Variants in TSPAN18 observed in about 807,000 individuals in gnomAD.
TSPAN18 encodes tetraspanin 18, also known as tetraspanin-18.
Under a neutral mutation model 27.3 loss-of-function variants are expected in TSPAN18, and 14 were observed. That is an observed-to-expected ratio of 0.51 (90% confidence interval 0.34 to 0.80). TSPAN18 has a LOEUF of 0.80. Ranked by LOEUF, TSPAN18 falls within the 30% of genes least tolerant of loss-of-function variation. TSPAN18 has a pLI of 0.01. For missense variants in TSPAN18, 268 were observed against 323.9 expected (o/e 0.83, Z 1.32); for synonymous variants, 143 against 136.5 (o/e 1.05, Z -0.33).
chr11:44,880,410 G>A (rs1401230827), intron 3 of TSPAN18, among the ~76,000 whole-genome samples: 2 of 152,198 alleles, frequency 1.3e-5, no homozygotes, highest in African/African-American at 4.8e-5. Flanking sequence ...TCACCTCCCT[G>A]GGACTCCCTC....
intron 1 of TSPAN18, among the ~76,000 whole-genome samples, chr11:44,761,304 G>A (rs1299135695): frequency 6.6e-6 from 1 of 152,148 alleles, no homozygotes; most frequent in Non-Finnish European, 1.5e-5. Context: ...ACCCGTTCCT[G>A]CTCTTAGCCC....
chr11:44,914,575 T>C (rs944988029), intron 5 of TSPAN18, among the ~76,000 whole-genome samples: 1 of 152,124 alleles, frequency 6.6e-6, no homozygotes, highest in Non-Finnish European at 1.5e-5. Context: ...GTAGAAACCA[T>C]AAGACCTCGG....
At position 44,931,141 on chromosome 11, in the gene TSPAN18, G is replaced by T. The variant is rs151207970; in HGVS notation, c.*1963G>T. ...GTGTTACCAAATTCGCCCTTTAACAGCTTGCTCTGGCAACCCCATAAATGA... is the reference window on the plus strand; with the variant it reads ...GTGTTACCAAATTCGCCCTTTAACATCTTGCTCTGGCAACCCCATAAATGA... On this transcript the variant is annotated 3_prime_UTR_variant, in exon 10 of 10. Transcript: ENST00000520358. 2,900 of 353,604 alleles carry T rather than the reference G, an allele frequency of 8.2e-3. 84 individuals are homozygous for T. The highest frequency in any genetic ancestry group is 0.058 in the African/African-American group (2,722 of 46,814). 21.9% of individuals were successfully genotyped at this position (353,604 alleles called of 1,614,324 possible).
At chr11:44,765,273 C>T (rs1404748549) in intron 2 of TSPAN18, among the ~76,000 whole-genome samples, 2 of 152,114 alleles carry the variant, frequency 1.3e-5, no homozygotes, top group African/African-American at 4.8e-5. Flanking sequence ...ATTCCAAGAC[C>T]AGGGCTGAAA....
chr11:44,754,154 G>A (rs940871350), intron 1 of TSPAN18, among the ~76,000 whole-genome samples: 3 of 152,164 alleles, frequency 2.0e-5, no homozygotes, highest in African/African-American at 7.2e-5. Flanking sequence ...GCCTCCTGCG[G>A]ACCTTTTCTG....
chr11:44,923,569 C>T (rs1181761283), intron 8 of TSPAN18, among the ~76,000 whole-genome samples: 1 of 152,134 alleles, frequency 6.6e-6, no homozygotes, highest in Non-Finnish European at 1.5e-5. Context: ...TCATGCCAGC[C>T]CCCTTTCCCT....
intron 2 of TSPAN18, among the ~76,000 whole-genome samples, chr11:44,807,331 C>T (rs1260813034): frequency 6.7e-6 from 1 of 149,786 alleles, no homozygotes; most frequent in East Asian, 2.0e-4. Flanking sequence ...GAGTTCGAGG[C>T]CAGCCTGACT....
chr11:44,822,542 G>A (rs552253215), intron 2 of TSPAN18, among the ~76,000 whole-genome samples: 12 of 151,056 alleles, frequency 7.9e-5, no homozygotes, highest in Admixed American at 3.3e-4. Flanking sequence ...TGACTTGGGC[G>A]TCACTTCCAC....
chr11:44,884,601 A>G (rs1407403543), intron 3 of TSPAN18, among the ~76,000 whole-genome samples: 3 of 152,146 alleles, frequency 2.0e-5, no homozygotes, highest in African/African-American at 7.2e-5. Flanking sequence ...TCACGGCCAG[A>G]GCTCTCCCTG....
At chr11:44,813,631 A>C (rs1856764978) in intron 2 of TSPAN18, among the ~76,000 whole-genome samples, 1 of 152,204 alleles carries the variant, frequency 6.6e-6, no homozygotes, top group African/African-American at 2.4e-5. Flanking sequence ...CTTGAGTAAG[A>C]CACTTGGTCT....
rs1309370051 is a variant in TSPAN18, at chr11:44,910,965, C to T, written c.258+1066C>T. On this transcript the variant is annotated intron_variant, in intron 5 of 9. Coordinates refer to ENST00000520358, the MANE Select transcript of TSPAN18 (RefSeq NM_130783.5). ...GGGGCCGACCAGCTCAGCTATAGATCACAGCCAAACCAGACAAGCAGTGGG... is the reference window on the plus strand; with the variant it reads ...GGGGCCGACCAGCTCAGCTATAGATTACAGCCAAACCAGACAAGCAGTGGG... Among the ~76,000 whole-genome samples the T allele has an allele frequency of 2.6e-5, 4 of 152,234 alleles. 1 individual carries two copies. Among genetic ancestry groups the T allele is most frequent in the Non-Finnish European group, 5.9e-5 (4 of 68,038 alleles).
chr11:44,925,223 C>T (rs1006428744), intron 8 of TSPAN18, among the ~76,000 whole-genome samples: 3 of 152,208 alleles, frequency 2.0e-5, no homozygotes, highest in Admixed American at 1.3e-4. Flanking sequence ...CCTTGGGTAT[C>T]GTCCTATAAT....
At chr11:44,755,525 C>T (rs1176172504) in intron 1 of TSPAN18, among the ~76,000 whole-genome samples, 1 of 152,078 alleles carries the variant, frequency 6.6e-6, no homozygotes, top group Non-Finnish European at 1.5e-5. Context: ...AAGGGCTGCC[C>T]TGGGGTTTGC....
intron 2 of TSPAN18, among the ~76,000 whole-genome samples, chr11:44,850,228 A>G (rs835797): frequency 0.54 from 81,655 of 152,090 alleles, 23,279 homozygotes; most frequent in Non-Finnish European, 0.63. Flanking sequence ...TGTTATTCCT[A>G]CATATCGAGT....
chr11:44,897,796 G>A (rs1565197404), intron 3 of TSPAN18: 1 of 1,289,388 alleles, frequency 7.8e-7, no homozygotes, highest in East Asian at 5.5e-5. Context: ...TGACGGGAGA[G>A]TCTGTCCTGC....
At chr11:44,759,897 C>G (rs1470797911) in intron 1 of TSPAN18, among the ~76,000 whole-genome samples, 6 of 152,056 alleles carry the variant, frequency 3.9e-5, no homozygotes, top group Non-Finnish European at 2.9e-5. Context: ...ATGACTTATG[C>G]CTGTTGAGAG....
chr11:44,797,323 C>T (rs1305992630), intron 2 of TSPAN18, among the ~76,000 whole-genome samples: 3 of 152,178 alleles, frequency 2.0e-5, no homozygotes, highest in Non-Finnish European at 4.4e-5. Flanking sequence ...TTTGAGCCCC[C>T]ACTGTAGCCT....
At chr11:44,910,992 C>A (rs142934921) in intron 5 of TSPAN18, among the ~76,000 whole-genome samples, 1 of 152,364 alleles carries the variant, frequency 6.6e-6, no homozygotes, top group Non-Finnish European at 1.5e-5. Flanking sequence ...AGCAGTGGGT[C>A]TTCTCGTTCT....
intron 2 of TSPAN18, among the ~76,000 whole-genome samples, chr11:44,844,027 G>C (rs145922601): frequency 0.01 from 1,529 of 152,262 alleles, 33 homozygotes; most frequent in African/African-American, 0.035. Context: ...AAATCACAAG[G>C]GTATTGATTG....
Sources: allele counts gnomAD v4.1 joint callset (sites outside exome capture counted in the v4.1 genomes callset), GRCh38; gene constraint gnomAD v4.1.1; transcripts MANE v1.5; gene names NCBI Gene and HGNC (gene_info 2026-07-23, HGNC 2026-07-21).